The following CCDC178 variants were observed in gnomAD, a reference collection of about 807,000 sequenced individuals.
The protein encoded by CCDC178 is coiled-coil domain containing 178, also known as coiled-coil domain-containing protein 178.
In CCDC178, 126 loss-of-function variants were observed where a neutral mutation model predicts 117.4. That is an observed-to-expected ratio of 1.07 (90% CI 0.93 to 1.24). The LOEUF (loss-of-function observed/expected upper bound fraction) is 1.24, where lower values mean the gene tolerates loss of function less well. Among genes scored for constraint, CCDC178 ranks in the 50% most tolerant of loss-of-function variants. The pLI, the probability that CCDC178 is intolerant of heterozygous loss-of-function variation, is 0.00. For synonymous variants in CCDC178, 283 were observed against 313.4 expected (o/e 0.90, Z 1.02); for missense variants, 1,030 against 986.9 (o/e 1.04, Z -0.59).
At chr18:33,152,612 G>A (rs1380615104) in intron 20 of CCDC178, among the ~76,000 whole-genome samples, 2 of 151,960 alleles carry the variant, frequency 1.3e-5, no homozygotes, top group African/African-American at 4.8e-5. Context: ...CCAAATATGT[G>A]AATGAGGCCA....
intron 5 of CCDC178, among the ~76,000 whole-genome samples, chr18:33,383,930 T>C (rs2063466350): frequency 6.6e-6 from 1 of 152,138 alleles, no homozygotes; most frequent in Non-Finnish European, 1.5e-5. Flanking sequence ...TAAAGGATTA[T>C]GTTCTAACAC....
At chr18:33,411,977 A>G in intron 3 of CCDC178, 54 bp downstream of exon 3, 1 of 944,018 alleles carries the variant, frequency 1.1e-6, no homozygotes, top group Non-Finnish European at 1.6e-6. Context: ...AGTGATGTGA[A>G]TTCCATTTAT....
chr18:33,289,814 A>C (rs1237291357), intron 12 of CCDC178, among the ~76,000 whole-genome samples: 1 of 152,200 alleles, frequency 6.6e-6, no homozygotes, highest in Non-Finnish European at 1.5e-5. Flanking sequence ...AAAATGATGG[A>C]AAATTGAATA....
At chr18:33,145,330 G>C (rs541583018) in intron 20 of CCDC178, among the ~76,000 whole-genome samples, 1 of 152,160 alleles carries the variant, frequency 6.6e-6, no homozygotes, top group South Asian at 2.1e-4. Flanking sequence ...GTTTTAAAAA[G>C]AGTTTGAATT....
chr18:33,409,475 G>A (rs768122349), intron 3 of CCDC178, among the ~76,000 whole-genome samples: 10 of 152,146 alleles, frequency 6.6e-5, no homozygotes, highest in East Asian at 3.9e-4. Flanking sequence ...ATTTTATTTC[G>A]GATAATTTTA....
chr18:33,293,306 C>G lies in CCDC178; in HGVS notation c.1029G>C (p.Glu343Asp). ...DEKTIEAYKR[E>D]IYQLNSLFDH... is the part of the protein sequence containing the mutation. ...CAAATAGACTGTTAAGTTGATATATCTCTCTCCTAGGGATAAAAACACAGT... is the reference window on the plus strand; with the variant it reads ...CAAATAGACTGTTAAGTTGATATATGTCTCTCCTAGGGATAAAAACACAGT... The change falls in exon 12 of 23, where the codon GAG (glutamate) becomes GAC (aspartate). Residue 343 changes from glutamate (E) to aspartate (D), a missense_variant. By Grantham distance (45) the Glu-to-Asp change is conservative. Coordinates refer to ENST00000383096, the MANE Select transcript of CCDC178 (RefSeq NM_001105528.4). The G allele has an allele frequency of 6.7e-7, 1 of 1,493,052 alleles. No homozygotes were observed. The highest frequency in any genetic ancestry group is 9.2e-7 in the Non-Finnish European group (1 of 1,082,434). 92.5% of individuals were successfully genotyped at this position (1,493,052 alleles called of 1,614,324 possible). A position where few individuals can be genotyped will look rare whatever the true frequency, so the allele number is the denominator to read the frequency against.
chr18:33,375,692 A>G (rs907875746), intron 5 of CCDC178, among the ~76,000 whole-genome samples: 1 of 152,214 alleles, frequency 6.6e-6, no homozygotes, highest in Non-Finnish European at 1.5e-5. Context: ...GGAGGCATCC[A>G]TGGGAGCTTC....
At chr18:33,094,062 A>C (rs966921066) in intron 20 of CCDC178, among the ~76,000 whole-genome samples, 1 of 152,046 alleles carries the variant, frequency 6.6e-6, no homozygotes, top group African/African-American at 2.4e-5. Context: ...TGCCTGTACA[A>C]ATATTTCTGT....
At chr18:33,097,368 C>T (rs1206857289) in intron 20 of CCDC178, among the ~76,000 whole-genome samples, 4 of 152,136 alleles carry the variant, frequency 2.6e-5, no homozygotes, top group Non-Finnish European at 4.4e-5. Context: ...TAACCCCTAG[C>T]CTCCAAGTCA....
At chr18:33,394,222 A>G (rs2063601123) in intron 4 of CCDC178, among the ~76,000 whole-genome samples, 1 of 152,034 alleles carries the variant, frequency 6.6e-6, no homozygotes, top group Admixed American at 6.6e-5. Flanking sequence ...GATGAAAAAA[A>G]TCTCAAAGTG....
At chr18:33,411,655 A>G (rs1426485067) in intron 3 of CCDC178, among the ~76,000 whole-genome samples, 1 of 152,192 alleles carries the variant, frequency 6.6e-6, no homozygotes, top group Non-Finnish European at 1.5e-5. Context: ...GTAAAAGTTT[A>G]ATATCCAGCT....
In CCDC178 at chr18:32,958,273, G is replaced by A; in HGVS notation, c.2523+16274C>T. 4 of 444,184 alleles carry A rather than the reference G, an allele frequency of 9.0e-6. No homozygotes were observed. In the South Asian group the frequency reaches 9.5e-5, roughly 11 times the overall value. The allele number at this position is 444,184 out of a possible 1,614,324, so 27.5% of individuals were successfully genotyped here. On this transcript the variant is annotated intron_variant, in intron 22 of 22. Coordinates refer to ENST00000383096, the MANE Select transcript of CCDC178 (RefSeq NM_001105528.4). ...TTATACTAAAATTATTGAGTTTGTG[G>A]CAAAAAATGCTCTTGCAAGTTTTCA... is the stretch of plus-strand genomic sequence containing the variant.
chr18:32,944,260 T>C (rs2054298581), intron 22 of CCDC178, among the ~76,000 whole-genome samples: 1 of 152,136 alleles, frequency 6.6e-6, no homozygotes, highest in Admixed American at 6.5e-5. Context: ...AAAGAGATGA[T>C]GTGTAAGCTG....
At chr18:32,947,939 C>G (rs890495179) in intron 22 of CCDC178, among the ~76,000 whole-genome samples, 5 of 151,958 alleles carry the variant, frequency 3.3e-5, no homozygotes, top group African/African-American at 1.2e-4. Context: ...TTTAACAGCA[C>G]CTTTTCATGA....
At chr18:33,122,096 C>A (rs1009310545) in intron 20 of CCDC178, among the ~76,000 whole-genome samples, 5 of 152,102 alleles carry the variant, frequency 3.3e-5, no homozygotes, top group African/African-American at 1.2e-4. Context: ...TGAAAGATTT[C>A]TGAGAAGGAA....
rs553469723 is a variant in CCDC178 at position 33,061,911 on chromosome 18, G to C, written c.2388+30850C>G. Among the ~76,000 whole-genome samples the C allele has an allele frequency of 1.6e-4, 25 of 152,246 alleles. No homozygotes were observed. In the South Asian group the frequency reaches 5.0e-3, roughly 30 times the overall value. ...AGATATCAATGGGGGATTTTACCTA[G>C]CTGTCTCATGGACAAGTAATTTAGA... On this transcript the variant is annotated intron_variant, in intron 21 of 22. Transcript: ENST00000383096.
At chr18:33,275,448 G>T (rs2059936800) in intron 12 of CCDC178, among the ~76,000 whole-genome samples, 1 of 151,360 alleles carries the variant, frequency 6.6e-6, no homozygotes, top group Non-Finnish European at 1.5e-5. Context: ...TTTTCAATCT[G>T]AATTTATTTA....
At chr18:33,263,838 T>C (rs934687075) in intron 14 of CCDC178, among the ~76,000 whole-genome samples, 2 of 152,052 alleles carry the variant, frequency 1.3e-5, no homozygotes, top group Non-Finnish European at 2.9e-5. Context: ...ATTGCAATGA[T>C]TAACTCAACT....
At chr18:32,969,007 G>A (rs2054872685) in intron 22 of CCDC178, among the ~76,000 whole-genome samples, 1 of 151,972 alleles carries the variant, frequency 6.6e-6, no homozygotes, top group East Asian at 1.9e-4. Flanking sequence ...TCCTGGCAAA[G>A]CAACCAGTGA....
Sources: allele counts gnomAD v4.1 joint callset (sites outside exome capture counted in the v4.1 genomes callset), GRCh38; gene constraint gnomAD v4.1.1; transcripts MANE v1.5; gene names NCBI Gene and HGNC (gene_info 2026-07-23, HGNC 2026-07-21).